The following SLC41A2 variants were observed in gnomAD, a reference collection of about 807,000 sequenced individuals.
SLC41A2 encodes solute carrier family 41 member 2, also known as SLC41A1-like 1.
A neutral mutation model predicts 58.3 loss-of-function variants in SLC41A2; 32 were observed. The ratio of observed to expected loss-of-function variants is 0.55; its 90% CI spans 0.41 to 0.74. The LOEUF (loss-of-function observed/expected upper bound fraction) is 0.74. SLC41A2 is among the 30% of genes least tolerant of loss of function. SLC41A2 has a pLI of 0.00. For missense variants in SLC41A2, 514 were observed against 680.6 expected, an observed-to-expected ratio of 0.76 and a Z score of 2.72; for synonymous variants, 190 against 235.0, an observed-to-expected ratio of 0.81 and a Z score of 1.75.
Position 104,803,849 on chromosome 12 carries a change from T to A in SLC41A2, c.*1303A>T, listed in dbSNP as rs2040787734. 1 of 152,122 alleles carries A rather than the reference T, an allele frequency of 6.6e-6. No homozygotes were observed. The highest frequency in any genetic ancestry group is 2.4e-5 in the African/African-American group (1 of 41,402). 9.4% of individuals were successfully genotyped at this position (152,122 alleles called of 1,614,324 possible). A position where few individuals can be genotyped will look rare whatever the true frequency, so the allele number is the denominator to read the frequency against. On this transcript the variant is annotated 3_prime_UTR_variant, in exon 11 of 11. Coordinates refer to ENST00000258538, the MANE Select transcript of SLC41A2 (RefSeq NM_001352171.3). ...TAATTGAGGTAACCCACCAACTTCTTTTTTAAAAGCGTAAGTCAACGGGCT... is the reference window on the plus strand; with the variant it reads ...TAATTGAGGTAACCCACCAACTTCTATTTTAAAAGCGTAAGTCAACGGGCT...
At position 104,804,329 on chromosome 12, in the gene SLC41A2, T is replaced by C. The variant is rs1057297868; in HGVS notation, c.*823A>G. Reference sequence around the variant, plus strand: ...CAGCAATCCAAGATTTAGTTCTTCATCAAAAGTCTCTCTCTCTCACACACA... The same window carrying C: ...CAGCAATCCAAGATTTAGTTCTTCACCAAAAGTCTCTCTCTCTCACACACA... On this transcript the variant is annotated 3_prime_UTR_variant, in exon 11 of 11. Coordinates refer to ENST00000258538, the MANE Select transcript of SLC41A2 (RefSeq NM_001352171.3). 5 of 115,776 alleles carry C rather than the reference T, an allele frequency of 4.3e-5. No homozygotes were observed. Among genetic ancestry groups the C allele is most frequent in the African/African-American group, 1.7e-4 (5 of 29,682 alleles). 7.2% of individuals were successfully genotyped at this position (115,776 alleles called of 1,614,324 possible). A position where few individuals can be genotyped will look rare whatever the true frequency, so the allele number is the denominator to read the frequency against.
chr12:104,953,807 A>C (rs963611055), intron 1 of SLC41A2, among the ~76,000 whole-genome samples: 3 of 152,178 alleles, frequency 2.0e-5, no homozygotes, highest in African/African-American at 7.2e-5. Context: ...TGGAGAGAGA[A>C]GGGGTGTAAC....
chr12:104,817,975 T>C (rs544235001), intron 10 of SLC41A2, among the ~76,000 whole-genome samples: 4 of 152,284 alleles, frequency 2.6e-5, no homozygotes, highest in Admixed American at 2.6e-4. Flanking sequence ...AAAGAGTAGA[T>C]TTTAAATGTT....
At position 104,904,184 on chromosome 12, in the gene SLC41A2, T is replaced by C. The variant is rs76679642; in HGVS notation, c.663+5471A>G. 1.8e-3 allele frequency among the ~76,000 whole-genome samples: 273 copies of C among 152,324 alleles called. 1 individual carries two copies. The highest frequency in any genetic ancestry group is 0.012 in the Admixed American group (183 of 15,302). On this transcript the variant is annotated intron_variant, in intron 3 of 10. Coordinates refer to ENST00000258538, the MANE Select transcript of SLC41A2 (RefSeq NM_001352171.3). ...TGGATAATGCTCAAGAACAATACTTTTGAAATATTTTCTTTGAGATAAGCT... is the reference window on the plus strand; with the variant it reads ...TGGATAATGCTCAAGAACAATACTTCTGAAATATTTTCTTTGAGATAAGCT...
At chr12:104,912,184 G>A (rs2046116729) in intron 2 of SLC41A2, among the ~76,000 whole-genome samples, 1 of 152,096 alleles carries the variant, frequency 6.6e-6, no homozygotes, top group African/African-American at 2.4e-5. Context: ...CATATATTTG[G>A]TCTTCAACCC....
chr12:104,858,351 T>C (rs762999172), intron 8 of SLC41A2, among the ~76,000 whole-genome samples: 2 of 151,792 alleles, frequency 1.3e-5, no homozygotes, highest in Non-Finnish European at 2.9e-5. Flanking sequence ...CCCGATCTGG[T>C]TTTCAATCGT....
chr12:104,934,097 G>A (rs2047172742), intron 1 of SLC41A2, among the ~76,000 whole-genome samples: 1 of 151,866 alleles, frequency 6.6e-6, no homozygotes, highest in East Asian at 1.9e-4. Context: ...TTTTATGGTC[G>A]ATTTAAAATG....
At chr12:104,859,423 A>G (rs2043128314) in intron 8 of SLC41A2, among the ~76,000 whole-genome samples, 1 of 152,216 alleles carries the variant, frequency 6.6e-6, no homozygotes, top group South Asian at 2.1e-4. Context: ...ATTAGGCTAC[A>G]AGAGTAAGAC....
At chr12:104,890,586 C>A (rs750786083) in intron 4 of SLC41A2, among the ~76,000 whole-genome samples, 7 of 152,042 alleles carry the variant, frequency 4.6e-5, no homozygotes, top group Non-Finnish European at 1.0e-4. Context: ...ATGAGGAAGT[C>A]CTATTCTGGA....
At chr12:104,821,018 A>G (rs940687476) in intron 10 of SLC41A2, among the ~76,000 whole-genome samples, 5 of 152,256 alleles carry the variant, frequency 3.3e-5, no homozygotes, top group Admixed American at 6.5e-5. Flanking sequence ...AGTCGTGAGT[A>G]TAATAACAAT....
At chr12:104,889,665 A>T (rs752916269) in intron 4 of SLC41A2, among the ~76,000 whole-genome samples, 7 of 152,176 alleles carry the variant, frequency 4.6e-5, no homozygotes, top group Non-Finnish European at 7.4e-5. Context: ...ATAATGTGCT[A>T]TGTTTTGTGT....
chr12:104,861,828 T>C (rs1446893533), intron 7 of SLC41A2, among the ~76,000 whole-genome samples: 1 of 152,168 alleles, frequency 6.6e-6, no homozygotes, highest in Non-Finnish European at 1.5e-5. Context: ...AAATAAAGCA[T>C]AAAAGAGGTT....
At chr12:104,808,459 T>C (rs2041023542) in intron 10 of SLC41A2, among the ~76,000 whole-genome samples, 1 of 152,196 alleles carries the variant, frequency 6.6e-6, no homozygotes, top group South Asian at 2.1e-4. Context: ...TGCTGCTGGA[T>C]TCGGTTTGCC....
intron 1 of SLC41A2, among the ~76,000 whole-genome samples, chr12:104,943,711 G>A (rs868517906): frequency 6.6e-6 from 1 of 151,994 alleles, no homozygotes; most frequent in South Asian, 2.1e-4. Context: ...CCTGCTGAGA[G>A]GGGGGACTGA....
chr12:104,811,904 T>A (rs1280848404), intron 10 of SLC41A2, among the ~76,000 whole-genome samples: 2 of 152,230 alleles, frequency 1.3e-5, no homozygotes, highest in Non-Finnish European at 2.9e-5. Context: ...CATGTCTGTG[T>A]GTAGAGCTAG....
intron 10 of SLC41A2, chr12:104,833,883 T>C (rs1459184504): frequency 2.8e-6 from 1 of 350,890 alleles, no homozygotes; most frequent in East Asian, 1.7e-4. Context: ...CACTTTTCAA[T>C]TATGTGGTTT....
chr12:104,935,518 G>T (rs1347994614), intron 1 of SLC41A2, among the ~76,000 whole-genome samples: 1 of 151,996 alleles, frequency 6.6e-6, no homozygotes, highest in Non-Finnish European at 1.5e-5. Flanking sequence ...TATTGAAATT[G>T]TTCATGTACT....
At position 104,802,137 on chromosome 12, in the gene SLC41A2, A is replaced by G. The variant is rs948398279; in HGVS notation, c.*3015T>C. On this transcript the variant is annotated 3_prime_UTR_variant, in exon 11 of 11. Transcript: ENST00000258538. ...GACACCTACCAGAACACATATTACC[A>G]TAAGTTTCCATTTTATCAGGTTCTA... is the stretch of plus-strand genomic sequence containing the variant. Among the ~76,000 whole-genome samples the G allele has an allele frequency of 2.0e-5, 3 of 152,166 alleles. No homozygotes were observed. The highest frequency in any genetic ancestry group is 4.8e-5 in the African/African-American group (2 of 41,432).
At chr12:104,881,515 T>C (rs1260277671) in intron 6 of SLC41A2, among the ~76,000 whole-genome samples, 2 of 152,254 alleles carry the variant, frequency 1.3e-5, no homozygotes, top group African/African-American at 4.8e-5. Context: ...TGGTATGTTA[T>C]GTCTTTGGTC....
Sources: gnomAD v4.1 joint callset for allele counts (sites outside exome capture counted in the v4.1 genomes callset) on GRCh38, gnomAD v4.1.1 for gene constraint, MANE v1.5 for transcripts, NCBI Gene and HGNC (gene_info 2026-07-23, HGNC 2026-07-21) for gene names.